The following MED14 variants were observed in gnomAD, a reference collection of about 807,000 sequenced individuals.
MED14 encodes mediator of RNA polymerase II transcription subunit 14.
A neutral mutation model predicts 109.0 loss-of-function variants in MED14; 8 were observed. That is an observed-to-expected ratio of 0.07 (90% CI 0.04 to 0.13). MED14 has a LOEUF of 0.13. Ranked by LOEUF, MED14 falls within the 10% of genes least tolerant of loss-of-function variation. The probability of loss-of-function intolerance (pLI) is 1.00; values close to 1 mark genes in which losing one functional copy is unlikely to be tolerated. For missense variants in MED14, 711 were observed against 1,142.4 expected (o/e 0.62, Z 5.44); for synonymous variants, 399 against 408.7 (o/e 0.98, Z 0.29).
intron 1 of MED14, 131 bp downstream of exon 1, chrX:40,735,067 G>A (rs1368510518): frequency 9.7e-6 from 4 of 412,167 alleles, no homozygotes; most frequent in African/African-American, 5.4e-5. Context: ...AACCCCAGGA[G>A]TTCAAAAATT....
chrX:40,664,218 AG>A (rs1458157034), intron 25 of MED14, 88 bp downstream of exon 25: 41 of 827,565 alleles, frequency 5.0e-5, no homozygotes, highest in Non-Finnish European at 7.0e-5. Flanking sequence ...CTCAAAAAGT[AG>A]GTCATGACTT....
intron 23 of MED14, among the ~76,000 whole-genome samples, chrX:40,671,423 C>T (rs1162257009): frequency 8.9e-6 from 1 of 112,530 alleles, no homozygotes; most frequent in Non-Finnish European, 1.9e-5. Context: ...CACCCTTCAC[C>T]TATTCCGTGG....
rs574197741 is a variant in MED14 at position 40,696,050 on chromosome X, G to A, written c.1650+974C>T. On this transcript the variant is annotated intron_variant, in intron 13 of 30. Transcript: ENST00000324817. ...GGCCTCCCAAAGTGTTAGTTTTACA[G>A]GCATGAGCCATCACACCTGGCCTGA... 8.8e-4 allele frequency among the ~76,000 whole-genome samples: 98 copies of A among 111,026 alleles called. 1 individual carries two copies. Among genetic ancestry groups the A allele is most frequent in the Non-Finnish European group, 1.5e-3 (78 of 53,025 alleles).
chrX:40,706,432 C>T (rs1046489673), intron 10 of MED14, among the ~76,000 whole-genome samples: 2 of 110,984 alleles, frequency 1.8e-5, no homozygotes, highest in Admixed American at 1.9e-4. Flanking sequence ...TCTCTAACAC[C>T]TGGGACTCTA....
intron 6 of MED14, among the ~76,000 whole-genome samples, chrX:40,712,505 A>G (rs1369927976): frequency 8.9e-6 from 1 of 111,737 alleles, no homozygotes; most frequent in African/African-American, 3.3e-5. Flanking sequence ...TACAGGATAA[A>G]TTGCTGCATG....
chrX:40,704,963 C>T (rs892732266), intron 10 of MED14, among the ~76,000 whole-genome samples: 8 of 111,039 alleles, frequency 7.2e-5, no homozygotes, highest in Non-Finnish European at 1.1e-4. Flanking sequence ...AAAAAAAATC[C>T]GAGATCTGAA....
At chrX:40,706,646 AAG>A (rs777244119) in intron 10 of MED14, among the ~76,000 whole-genome samples, 14 of 112,168 alleles carry the variant, frequency 1.2e-4, no homozygotes, top group Non-Finnish European at 2.6e-4. Context: ...TTGGGTTCTG[AAG>A]ATTTCTCTAA....
rs182066558 is a variant in MED14 at position 40,728,474 on chromosome X, G to C, written c.242+845C>G. ...TCTAATTCGATCAAAAAGTTAAGTTGGGGTTGGCAATGGAGTGTTGCCATT... is the reference window on the plus strand; with the variant it reads ...TCTAATTCGATCAAAAAGTTAAGTTCGGGTTGGCAATGGAGTGTTGCCATT... On this transcript the variant is annotated intron_variant, in intron 2 of 30. Transcript: ENST00000324817. Among the ~76,000 whole-genome samples the C allele has an allele frequency of 2.7e-3, 296 of 110,550 alleles. 2 individuals are homozygous for C. Among genetic ancestry groups the C allele is most frequent in the African/African-American group, 9.3e-3 (281 of 30,310 alleles).
At chrX:40,653,326 GAAGAAGTATTACAACAA>G (rs1162079633) in intron 30 of MED14, among the ~76,000 whole-genome samples, 1 of 111,818 alleles carries the variant, frequency 8.9e-6, no homozygotes, top group Non-Finnish European at 1.9e-5. Flanking sequence ...GTAAGAAGTA[GAAGAAGTATTACAACAA>G]AAGAAGCACA....
At chrX:40,660,013 C>T (rs1300844495) in intron 26 of MED14, among the ~76,000 whole-genome samples, 2 of 111,949 alleles carry the variant, frequency 1.8e-5, no homozygotes, top group East Asian at 2.8e-4. Context: ...AAACTTATTT[C>T]GGTTCTGATT....
chrX:40,700,950 A>G (rs1243160843), intron 12 of MED14, among the ~76,000 whole-genome samples: 2 of 111,712 alleles, frequency 1.8e-5, no homozygotes, highest in African/African-American at 6.5e-5. Flanking sequence ...TATGCCCTTC[A>G]CACCTATATT....
chrX:40,711,406 A>T, intron 7 of MED14, 105 bp from the exon 8 acceptor site: 1 of 591,516 alleles, frequency 1.7e-6, no homozygotes, highest in Non-Finnish European at 2.5e-6. Flanking sequence ...CTGGAGAAAA[A>T]TTTCTGAAGA....
chrX:40,717,862 T>C (rs1377649722), intron 3 of MED14, among the ~76,000 whole-genome samples: 1 of 112,330 alleles, frequency 8.9e-6, no homozygotes, highest in Non-Finnish European at 1.9e-5. Context: ...TAAAGTTTTC[T>C]CTCTCATGTC....
chrX:40,731,675 G>A (rs1286333959), intron 1 of MED14, among the ~76,000 whole-genome samples: 2 of 112,066 alleles, frequency 1.8e-5, no homozygotes, highest in African/African-American at 3.2e-5. Flanking sequence ...GATCAAATCA[G>A]TGTACTTGTG....
rs1930538889 is a variant in MED14, at chrX:40,692,168, T to C, written c.1980+15A>G. The stretch of plus-strand genomic sequence containing the variant: ...CTTTCATTTGGGGTATCCAGAACTG[T>C]TCCAAAAAACTTACCTCCAACCGAA... On this transcript the variant is annotated intron_variant, in intron 15 of 30. Transcript: ENST00000324817. The C allele has an allele frequency of 8.3e-7, 1 of 1,206,398 alleles. No homozygotes were observed.
At chrX:40,676,912 C>T (rs1038117519) in intron 21 of MED14, among the ~76,000 whole-genome samples, 6 of 111,821 alleles carry the variant, frequency 5.4e-5, no homozygotes, top group African/African-American at 2.0e-4. Context: ...TTATAAATTA[C>T]CCAGTCTTGG....
chrX:40,703,591 A>C (rs753341629), intron 10 of MED14, 22 bp from the exon 11 acceptor site: 125 of 1,104,349 alleles, frequency 1.1e-4, no homozygotes, highest in Middle Eastern at 2.5e-4. Flanking sequence ...AGAATTAAAA[A>C]TTATTTTTCT....
intron 15 of MED14, 119 bp downstream of exon 15, chrX:40,692,064 A>G: frequency 1.6e-6 from 1 of 643,366 alleles, no homozygotes; most frequent in South Asian, 3.8e-5. Flanking sequence ...ACTCCTCCCA[A>G]AATGAACAGG....
intron 25 of MED14, among the ~76,000 whole-genome samples, chrX:40,664,038 T>C (rs1488363185): frequency 1.8e-5 from 2 of 110,657 alleles, no homozygotes; most frequent in South Asian, 3.9e-4. Flanking sequence ...TGGCCAGTGA[T>C]TTAATCAATA....
Sources: gnomAD v4.1 joint callset for allele counts (sites outside exome capture counted in the v4.1 genomes callset) on GRCh38, gnomAD v4.1.1 for gene constraint, MANE v1.5 for transcripts, NCBI Gene and HGNC (gene_info 2026-07-23, HGNC 2026-07-21) for gene names.